Variants in SLC5A1 observed in about 807,000 individuals in gnomAD.
The protein encoded by SLC5A1 is sodium/glucose cotransporter 1.
SLC5A1 carries 42 observed loss-of-function variants against 73.5 expected under a neutral mutation model. That is an observed-to-expected ratio of 0.57 (90% CI 0.45 to 0.74). The LOEUF is 0.74. Among genes scored for constraint, SLC5A1 ranks in the 30% least tolerant of loss-of-function variants. The probability of loss-of-function intolerance (pLI) is 0.00; values close to 1 mark genes in which losing one functional copy is unlikely to be tolerated. For missense variants in SLC5A1, 634 were observed against 855.4 expected, an observed-to-expected ratio of 0.74 and a Z score of 3.23; for synonymous variants, 300 against 317.4, an observed-to-expected ratio of 0.95 and a Z score of 0.58.
rs200443129 is a variant in SLC5A1 at position 32,043,267 on chromosome 22, C to A, written c.-15C>A. ...TAGCGGCCCTGGCGAGAGGGAAGGA[C>A]GCAACGCTGCCACCATGGACAGTAG... On this transcript the variant is annotated 5_prime_UTR_variant, in exon 1 of 15. Coordinates refer to ENST00000266088, the MANE Select transcript of SLC5A1 (RefSeq NM_000343.4). The surrounding 1 kb of genome is among the most constrained non-coding windows in gnomAD (Gnocchi z 6.5). 3.1e-6 allele frequency: 5 copies of A among 1,613,484 alleles called. No homozygotes were observed. The Admixed American group carries it at 5.0e-5, about 16-fold the overall frequency.
At chr22:32,080,317 C>T (rs1417998080) in intron 5 of SLC5A1, among the ~76,000 whole-genome samples, 5 of 152,124 alleles carry the variant, frequency 3.3e-5, no homozygotes, top group African/African-American at 1.2e-4. Flanking sequence ...GGCCCACCTT[C>T]GGGAAGGAGG....
intron 2 of SLC5A1, among the ~76,000 whole-genome samples, chr22:32,062,048 T>C (rs979491488): frequency 6.6e-6 from 1 of 152,204 alleles, no homozygotes; most frequent in African/African-American, 2.4e-5. Flanking sequence ...AAGAGAGATT[T>C]TACTTGTTCT....
chr22:32,099,151 T>G (rs1284558437), intron 11 of SLC5A1, 32 bp from the exon 12 acceptor site: 2 of 1,452,234 alleles, frequency 1.4e-6, no homozygotes, highest in Non-Finnish European at 1.9e-6. Context: ...GAGCTATTTA[T>G]TGACACCTTG....
chr22:32,071,561 G>A (rs112689566), intron 5 of SLC5A1, among the ~76,000 whole-genome samples: 9 of 152,258 alleles, frequency 5.9e-5, no homozygotes, highest in African/African-American at 2.2e-4. Flanking sequence ...AGAGAGAGAG[G>A]TGGTGTTTTC....
chr22:32,105,183 T>C lies in SLC5A1; in HGVS notation c.1771+292T>C, dbSNP rs1025259696. Among the ~76,000 whole-genome samples, 3 of 152,300 alleles carry C rather than the reference T, an allele frequency of 2.0e-5. No homozygotes were observed. The East Asian group carries it at 5.8e-4, about 29-fold the overall frequency. On this transcript the variant is annotated intron_variant, in intron 14 of 14. Coordinates refer to ENST00000266088, the MANE Select transcript of SLC5A1 (RefSeq NM_000343.4). The stretch of plus-strand genomic sequence containing the variant: ...TTATGAGGTACGTGAGATGTTCTGA[T>C]GCAGGCATGCAATCATGCCTGCAAG...
chr22:32,079,882 A>C (rs1211594208), intron 5 of SLC5A1, among the ~76,000 whole-genome samples: 1 of 152,224 alleles, frequency 6.6e-6, no homozygotes, highest in African/African-American at 2.4e-5. Flanking sequence ...ACTTATGCAC[A>C]GCAGAGGCGC....
intron 1 of SLC5A1, among the ~76,000 whole-genome samples, chr22:32,047,920 G>A (rs4821028): frequency 0.045 from 6,816 of 152,102 alleles, 202 homozygotes; most frequent in Non-Finnish European, 0.07. Context: ...CAGCACTTTC[G>A]GAAGCCGAGG....
chr22:32,047,139 G>A (rs907586822), intron 1 of SLC5A1, among the ~76,000 whole-genome samples: 2 of 152,140 alleles, frequency 1.3e-5, no homozygotes, highest in African/African-American at 4.8e-5. Context: ...GTTTCCATGG[G>A]GGAGTGTCAA....
chr22:32,084,624 T>C lies in SLC5A1; in HGVS notation c.850T>C (p.Ser284Pro), dbSNP rs200367608. 13 of 1,614,200 alleles carry C rather than the reference T, an allele frequency of 8.1e-6. No individual in the cohort carries two copies. Among genetic ancestry groups the C allele is most frequent in the Non-Finnish European group, 1.0e-5 (12 of 1,180,030 alleles). ...LPWPGFIFGM[S>P]ILTLWYWCTD... is the part of the protein sequence containing the mutation. ...ATGGCCTGGGTTCATCTTTGGGATG[T>C]CCATCCTTACCTTGTGGTACTGGTG... Residue 284 changes from serine to proline, a missense_variant, in exon 8 of 15, where the codon TCC becomes CCC. By Grantham distance (74) the Ser-to-Pro change is moderately conservative. Transcript: ENST00000266088.
At position 32,046,811 on chromosome 22, in the gene SLC5A1, C is replaced by T. The variant is rs373388237; in HGVS notation, c.136-3132C>T. Among the ~76,000 whole-genome samples, 20 of 152,172 alleles carry T rather than the reference C, an allele frequency of 1.3e-4. No homozygotes were observed. In the East Asian group the frequency reaches 1.7e-3, roughly 13 times the overall value. On this transcript the variant is annotated intron_variant, in intron 1 of 14. Coordinates refer to ENST00000266088, the MANE Select transcript of SLC5A1 (RefSeq NM_000343.4). ...AAAACATTGTGGGTCAGTAATTGTC[C>T]TTCTTTTACCCCAGCAGCTTGGAGT...
chr22:32,091,361 G>A lies in SLC5A1; in HGVS notation c.1130-251G>A, dbSNP rs550175328. 2.0e-5 allele frequency among the ~76,000 whole-genome samples: 3 copies of A among 148,048 alleles called. No individual in the cohort carries two copies. In the East Asian group the frequency reaches 6.0e-4, roughly 29 times the overall value. ...CACACACCCCACCACCTTCATCATC[G>A]TCCAGTTGCAAAGTATTCACCTCAA... On this transcript the variant is annotated intron_variant, in intron 10 of 14. Transcript: ENST00000266088.
At chr22:32,102,276 TCA>T in intron 13 of SLC5A1, 39 bp downstream of exon 13, 1 of 1,446,446 alleles carries the variant, frequency 6.9e-7, no homozygotes, top group South Asian at 1.1e-5. Flanking sequence ...TGTTTCATGT[TCA>T]CACTGCAATG....
At chr22:32,101,126 C>T (rs2094035552) in intron 12 of SLC5A1, among the ~76,000 whole-genome samples, 1 of 152,162 alleles carries the variant, frequency 6.6e-6, no homozygotes, top group African/African-American at 2.4e-5. Context: ...TGGGGGATAG[C>T]TGATAATTTG....
chr22:32,109,829 A>G (rs2094052941), intron 14 of SLC5A1, among the ~76,000 whole-genome samples, 161 bp from the exon 15 acceptor site: 1 of 152,202 alleles, frequency 6.6e-6, no homozygotes, highest in South Asian at 2.1e-4. Context: ...TACCGTTTTC[A>G]TTCCTTAAAA....
chr22:32,075,070 C>CTTTTTTTTTTTTT, intron 5 of SLC5A1, among the ~76,000 whole-genome samples: 1 of 107,684 alleles, frequency 9.3e-6, no homozygotes, highest in Non-Finnish European at 2.0e-5. Flanking sequence ...CTATTTTTTA[C>CTTTTTTTTTTTTT]TTTTTTTTTT....
At chr22:32,107,916 T>TCACCAC (rs932041871) in intron 14 of SLC5A1, among the ~76,000 whole-genome samples, 1 of 151,936 alleles carries the variant, frequency 6.6e-6, no homozygotes, top group Non-Finnish European at 1.5e-5. Flanking sequence ...ATCATCATCC[T>TCACCAC]CACCACCACC....
At chr22:32,048,930 C>T (rs1423883387) in intron 1 of SLC5A1, among the ~76,000 whole-genome samples, 6 of 151,674 alleles carry the variant, frequency 4.0e-5, no homozygotes, top group African/African-American at 1.2e-4. Flanking sequence ...ATTAGCTGGG[C>T]GTAGTAGCAC....
intron 5 of SLC5A1, among the ~76,000 whole-genome samples, chr22:32,079,363 C>G (rs1355402431): frequency 6.6e-6 from 1 of 152,178 alleles, no homozygotes; most frequent in African/African-American, 2.4e-5. Flanking sequence ...TTCAATTCAC[C>G]AGGGAGGTTT....
intron 2 of SLC5A1, among the ~76,000 whole-genome samples, chr22:32,052,510 C>T (rs1176655573): frequency 6.6e-6 from 1 of 152,128 alleles, no homozygotes; most frequent in African/African-American, 2.4e-5. Context: ...AACCAGGCAA[C>T]TGGACATGAG....
Sources: gnomAD v4.1 joint callset for allele counts (sites outside exome capture counted in the v4.1 genomes callset) on GRCh38, gnomAD v4.1.1 for gene constraint, Gnocchi (gnomAD v3.1) non-coding constraint, MANE v1.5 for transcripts, NCBI Gene and HGNC (gene_info 2026-07-23, HGNC 2026-07-21) for gene names.